PTPRD: variants seen among roughly 807,000 people sequenced by gnomAD.
PTPRD encodes the protein protein tyrosine phosphatase receptor type D.
PTPRD carries 34 observed loss-of-function variants against 214.5 expected under a neutral mutation model. That is an observed-to-expected ratio of 0.16 (90% CI 0.12 to 0.21). The LOEUF is 0.21. Ranked by LOEUF, PTPRD falls within the 10% of genes least tolerant of loss-of-function variation. The pLI, the probability that PTPRD is intolerant of heterozygous loss-of-function variation, is 1.00. For missense variants in PTPRD, 2,545 were observed against 2,398.7 expected (o/e 1.06, Z -1.27); for synonymous variants, 1,128 against 845.7 (o/e 1.33, Z -5.79).
chr9:8,481,387 T>C (rs961579481), intron 30 of PTPRD, among the ~76,000 whole-genome samples: 2 of 152,154 alleles, frequency 1.3e-5, no homozygotes, highest in Admixed American at 6.5e-5. Flanking sequence ...AAAGGTTGTT[T>C]TAGGATGTGT....
rs144714762 is a variant in PTPRD, at chr9:9,988,185, ATAAT to A, written c.-472+45529_-472+45532del. 7.9e-3 allele frequency among the ~76,000 whole-genome samples: 1,209 copies of A among 152,334 alleles called. 15 individuals carry two copies. The highest frequency in any genetic ancestry group is 0.027 in the African/African-American group (1,115 of 41,578). On this transcript the variant is annotated intron_variant, in intron 4 of 45. Transcript: ENST00000381196. Reference sequence around the variant, plus strand: ...ATGATTAAATTCTGCTACAAAACACATAATTATTTATTGAACATCAATATGATAA... The same window carrying A: ...ATGATTAAATTCTGCTACAAAACACATATTTATTGAACATCAATATGATAA...
chr9:9,537,408 C>G (rs541695076), intron 8 of PTPRD, among the ~76,000 whole-genome samples: 24 of 151,990 alleles, frequency 1.6e-4, no homozygotes, highest in Middle Eastern at 6.8e-3. Flanking sequence ...CATCATCATA[C>G]TTTTCTTTTT....
intron 10 of PTPRD, among the ~76,000 whole-genome samples, chr9:9,095,736 G>C (rs2099782562): frequency 6.6e-6 from 1 of 152,134 alleles, no homozygotes; most frequent in South Asian, 2.1e-4. Flanking sequence ...ATATGACTCA[G>C]TAATCCCTCT....
chr9:10,043,649 G>T lies in PTPRD; in HGVS notation c.-544-9859C>A, dbSNP rs970887714. ...CAGAGTGTTTTATGATGCAAAAAAG[G>T]TGAGATGATGGTTCACACCTAAAGA... On this transcript the variant is annotated intron_variant, in intron 3 of 45. Transcript: ENST00000381196. Among the ~76,000 whole-genome samples, 6 of 151,890 alleles carry T rather than the reference G, an allele frequency of 4.0e-5. 1 individual carries two copies. Among genetic ancestry groups the T allele is most frequent in the African/African-American group, 1.4e-4 (6 of 41,496 alleles).
intron 11 of PTPRD, among the ~76,000 whole-genome samples, chr9:8,963,541 G>C (rs1480612118): frequency 1.3e-5 from 2 of 151,932 alleles, no homozygotes; most frequent in African/African-American, 4.8e-5. Flanking sequence ...TTTTAATTCT[G>C]TTTATGTGGT....
chr9:9,701,986 G>T (rs1353155909), intron 7 of PTPRD, among the ~76,000 whole-genome samples: 1 of 152,030 alleles, frequency 6.6e-6, no homozygotes, highest in Admixed American at 6.6e-5. Context: ...AGGCATGGTG[G>T]TGCATGCCTG....
chr9:10,272,381 G>C (rs765515007), intron 3 of PTPRD, among the ~76,000 whole-genome samples: 5 of 151,970 alleles, frequency 3.3e-5, no homozygotes, highest in Admixed American at 6.6e-5. Context: ...TCTACTTTTT[G>C]ACTACTGTAA....
At chr9:9,252,407 C>T (rs980038626) in intron 9 of PTPRD, among the ~76,000 whole-genome samples, 4 of 151,970 alleles carry the variant, frequency 2.6e-5, no homozygotes, top group African/African-American at 9.7e-5. Context: ...TTTTCCTGGC[C>T]ACCTTCCTAT....
intron 3 of PTPRD, among the ~76,000 whole-genome samples, chr9:10,058,878 G>A (rs1055447079): frequency 2.6e-5 from 4 of 151,842 alleles, no homozygotes; most frequent in East Asian, 1.9e-4. Context: ...TGTTTCTATC[G>A]TTTGAAATAA....
intron 8 of PTPRD, among the ~76,000 whole-genome samples, chr9:9,501,529 T>C (rs2096414189): frequency 1.3e-5 from 2 of 151,820 alleles, no homozygotes; most frequent in Non-Finnish European, 2.9e-5. Context: ...TCAGTAAATA[T>C]ATAAATGATC....
At chr9:10,214,592 T>C (rs1004460632) in intron 3 of PTPRD, among the ~76,000 whole-genome samples, 2 of 152,024 alleles carry the variant, frequency 1.3e-5, no homozygotes, top group African/African-American at 4.8e-5. Flanking sequence ...TAATTCTTAC[T>C]GGAAATTTTG....
intron 8 of PTPRD, among the ~76,000 whole-genome samples, chr9:9,529,227 C>T (rs552917967): frequency 2.0e-4 from 30 of 150,550 alleles, no homozygotes; most frequent in Non-Finnish European, 2.8e-4. Context: ...CCACCACGCC[C>T]ACCGAATTTA....
At chr9:8,680,269 A>C (rs2097526116) in intron 12 of PTPRD, among the ~76,000 whole-genome samples, 1 of 152,106 alleles carries the variant, frequency 6.6e-6, no homozygotes. Flanking sequence ...AAAAGAACCC[A>C]CAGTTTTCAA....
In PTPRD at chr9:8,485,906, G is replaced by T. The variant is rs777974658; in HGVS notation, c.2911C>A (p.Leu971Ile). ...INIPLLPMEQLIVPADTTMTL... is the reference protein window; with the variant it reads ...INIPLLPMEQIIVPADTTMTL... ...ATAGTGGTGTCAGCTGGAACAATAA[G>T]CTGCTCCATCGGGAGAAGGGGGATG... The change falls in exon 28 of 46, where the codon CTT becomes ATT. Residue 971 changes from leucine to isoleucine, a missense_variant. Physicochemically the swap from Leu to Ile is conservative, Grantham distance 5 (BLOSUM62 2). Coordinates refer to ENST00000381196, the MANE Select transcript of PTPRD (RefSeq NM_002839.4). The T allele has an allele frequency of 6.2e-7, 1 of 1,614,186 alleles. No individual in the cohort carries two copies.
At chr9:9,655,661 C>A (rs925700930) in intron 7 of PTPRD, among the ~76,000 whole-genome samples, 5 of 151,760 alleles carry the variant, frequency 3.3e-5, no homozygotes, top group African/African-American at 9.7e-5. Context: ...CTTAAAAGAT[C>A]TGAACACACA....
intron 4 of PTPRD, among the ~76,000 whole-genome samples, chr9:9,980,046 G>C (rs1007864886): frequency 4.6e-5 from 7 of 152,084 alleles, no homozygotes; most frequent in Non-Finnish European, 8.8e-5. Flanking sequence ...AAAATACTTT[G>C]TAAACCACAA....
chr9:9,247,658 C>T (rs148038043), intron 9 of PTPRD, among the ~76,000 whole-genome samples: 270 of 152,182 alleles, frequency 1.8e-3, no homozygotes, highest in African/African-American at 6.2e-3. Context: ...GCCCGACTCA[C>T]ATGCTTTCTT....
intron 3 of PTPRD, among the ~76,000 whole-genome samples, chr9:10,245,991 A>G (rs1032717356): frequency 6.6e-6 from 1 of 152,220 alleles, no homozygotes; most frequent in Non-Finnish European, 1.5e-5. Context: ...GAAATAAGTT[A>G]AACCACATTA....
At chr9:10,015,678 A>G (rs1448320846) in intron 4 of PTPRD, among the ~76,000 whole-genome samples, 1 of 152,178 alleles carries the variant, frequency 6.6e-6, no homozygotes, top group Non-Finnish European at 1.5e-5. Context: ...ATATATTACT[A>G]AAAGAAAAAG....
Sources: allele counts gnomAD v4.1 joint callset (sites outside exome capture counted in the v4.1 genomes callset), GRCh38; gene constraint gnomAD v4.1.1; transcripts MANE v1.5; gene names NCBI Gene and HGNC (gene_info 2026-07-23, HGNC 2026-07-21).